MSRA: variants seen among roughly 807,000 people sequenced by gnomAD.
MSRA encodes mitochondrial peptide methionine sulfoxide reductase.
MSRA carries 54 observed loss-of-function variants against 31.3 expected under a neutral mutation model. The ratio of observed to expected loss-of-function variants is 1.73; its 90% CI spans 1.39 to 2.17. MSRA has a LOEUF of 2.17. MSRA is among the 30% of genes most tolerant of loss of function. The pLI, the probability that MSRA is intolerant of heterozygous loss-of-function variation, is 0.00. For missense variants in MSRA, 507 were observed against 300.9 expected (o/e 1.69, Z -5.07); for synonymous variants, 169 against 116.5 (o/e 1.45, Z -2.90).
At chr8:10,131,292 A>G (rs1385800683) in intron 1 of MSRA, among the ~76,000 whole-genome samples, 1 of 152,218 alleles carries the variant, frequency 6.6e-6, no homozygotes, top group Non-Finnish European at 1.5e-5. Context: ...TTAAATGGAA[A>G]TTTCGCCACA....
At chr8:10,128,781 C>T (rs1801679708) in intron 1 of MSRA, among the ~76,000 whole-genome samples, 1 of 152,200 alleles carries the variant, frequency 6.6e-6, no homozygotes. Flanking sequence ...CAGAGGTACT[C>T]TTCATGACCT....
chr8:10,090,790 C>G (rs760527882), intron 1 of MSRA, among the ~76,000 whole-genome samples: 6 of 152,194 alleles, frequency 3.9e-5, no homozygotes, highest in African/African-American at 1.4e-4. Context: ...ATACAATATG[C>G]GGACTTCTGT....
intron 1 of MSRA, among the ~76,000 whole-genome samples, chr8:10,196,260 G>C (rs1807979135): frequency 6.6e-6 from 1 of 152,186 alleles, no homozygotes. Context: ...TCTTCGTGCT[G>C]TGGTGTAGAA....
intron 1 of MSRA, among the ~76,000 whole-genome samples, chr8:10,192,471 T>G (rs1807593201): frequency 6.6e-6 from 1 of 152,196 alleles, no homozygotes; most frequent in Non-Finnish European, 1.5e-5. Context: ...CAGCTTCCTA[T>G]TCTAATAAGA....
intron 1 of MSRA, among the ~76,000 whole-genome samples, chr8:10,082,693 C>T (rs1174894197): frequency 2.0e-5 from 3 of 152,234 alleles, no homozygotes; most frequent in South Asian, 2.1e-4. Flanking sequence ...AAGTGGTGAC[C>T]GGGCTTGAGG....
rs1029090733 is a variant in MSRA, at chr8:10,067,978, G to C, written c.142+13320G>C. The stretch of plus-strand genomic sequence containing the variant: ...GGCTCACCACAACCTCTGCCTCCCA[G>C]GCCCGAGTGATACTCATGCGTCAGC... On this transcript the variant is annotated intron_variant, in intron 1 of 5. Transcript: ENST00000317173. Among the ~76,000 whole-genome samples, 4 of 142,466 alleles carry C rather than the reference G, an allele frequency of 2.8e-5. 1 individual carries two copies. The highest frequency in any genetic ancestry group is 1.0e-4 in the African/African-American group (4 of 39,090). 93.5% of individuals were successfully genotyped at this position (142,466 alleles called of 152,430 possible).
chr8:10,205,920 A>G (rs775600048), intron 1 of MSRA, among the ~76,000 whole-genome samples: 2 of 152,210 alleles, frequency 1.3e-5, no homozygotes, highest in African/African-American at 4.8e-5. Context: ...TATTCCATTC[A>G]TTTGATAAAT....
chr8:10,261,355 T>C (rs1476789924), intron 3 of MSRA, among the ~76,000 whole-genome samples: 1 of 151,218 alleles, frequency 6.6e-6, no homozygotes, highest in East Asian at 1.9e-4. Flanking sequence ...ATAAAATTGT[T>C]TCTGTCTTCA....
intron 3 of MSRA, among the ~76,000 whole-genome samples, chr8:10,258,739 G>T (rs1309377623): frequency 1.3e-5 from 2 of 152,228 alleles, no homozygotes; most frequent in Non-Finnish European, 2.9e-5. Context: ...TTAAAGAGCA[G>T]AGGTCTTGGC....
intron 2 of MSRA, among the ~76,000 whole-genome samples, chr8:10,237,534 T>C (rs1812049150): frequency 6.6e-6 from 1 of 152,224 alleles, no homozygotes; most frequent in South Asian, 2.1e-4. Context: ...TTTGACAAGC[T>C]GATATTAAAG....
intron 3 of MSRA, among the ~76,000 whole-genome samples, chr8:10,290,440 GA>G (rs780633510): frequency 2.6e-3 from 377 of 147,374 alleles, no homozygotes; most frequent in Middle Eastern, 3.5e-3. Context: ...AGACTTTGTT[GA>G]AAAAAAAAAA....
intron 2 of MSRA, among the ~76,000 whole-genome samples, chr8:10,208,438 C>A (rs1313139032): frequency 6.6e-6 from 1 of 152,214 alleles, no homozygotes; most frequent in Non-Finnish European, 1.5e-5. Flanking sequence ...CAGAACTTCT[C>A]TGTTAAAATT....
At chr8:10,380,538 C>A (rs928154032) in intron 5 of MSRA, among the ~76,000 whole-genome samples, 1 of 152,118 alleles carries the variant, frequency 6.6e-6, no homozygotes, top group Non-Finnish European at 1.5e-5. Flanking sequence ...CTGGTTAGCC[C>A]AAAGTAGACT....
At chr8:10,075,699 C>G (rs2128920556) in intron 1 of MSRA, among the ~76,000 whole-genome samples, 1 of 152,310 alleles carries the variant, frequency 6.6e-6, no homozygotes, top group East Asian at 1.9e-4. Flanking sequence ...TACGATATAA[C>G]AAGTTCCACA....
In MSRA at chr8:10,341,009, T is replaced by C. The variant is rs1336090917; in HGVS notation, c.543+21020T>C. Among the ~76,000 whole-genome samples, 4 of 152,324 alleles carry C rather than the reference T, an allele frequency of 2.6e-5. No homozygotes were observed. The East Asian group carries it at 7.7e-4, about 29-fold the overall frequency. On this transcript the variant is annotated intron_variant, in intron 5 of 5. Transcript: ENST00000317173. ...GAAGTAAGATTTCCAACTGATCAGA[T>C]CCTTAATTTAGATGCCAAGTGAGAG...
At chr8:10,116,331 A>G (rs896331329) in intron 1 of MSRA, among the ~76,000 whole-genome samples, 3 of 152,192 alleles carry the variant, frequency 2.0e-5, no homozygotes, top group East Asian at 1.9e-4. Context: ...TTCTTCCAAT[A>G]TGGCGCAGAG....
chr8:10,082,323 G>A (rs1798336114), intron 1 of MSRA, among the ~76,000 whole-genome samples: 1 of 152,112 alleles, frequency 6.6e-6, no homozygotes, highest in African/African-American at 2.4e-5. Flanking sequence ...TGGGGGAGGG[G>A]CCACACTGCA....
chr8:10,147,496 G>A (rs1219133916), intron 1 of MSRA, among the ~76,000 whole-genome samples: 1 of 152,220 alleles, frequency 6.6e-6, no homozygotes, highest in East Asian at 1.9e-4. Context: ...GAAAGTCACA[G>A]TGTCTTTATA....
intron 2 of MSRA, among the ~76,000 whole-genome samples, chr8:10,222,670 A>T (rs1305837840): frequency 6.6e-6 from 1 of 152,244 alleles, no homozygotes; most frequent in Non-Finnish European, 1.5e-5. Flanking sequence ...AAAGAAGGAA[A>T]TCCTGTCGTT....
Sources: allele counts gnomAD v4.1 joint callset (sites outside exome capture counted in the v4.1 genomes callset), GRCh38; gene constraint gnomAD v4.1.1; transcripts MANE v1.5; gene names NCBI Gene and HGNC (gene_info 2026-07-23, HGNC 2026-07-21).